Variants in NCKAP5 observed in about 807,000 individuals in gnomAD.
NCKAP5 encodes the protein nck-associated protein 5.
A neutral mutation model predicts 167.0 loss-of-function variants in NCKAP5; 92 were observed. The observed-to-expected ratio is 0.55, with a 90% CI of 0.47 to 0.66. NCKAP5 has a LOEUF of 0.66. Ranked by LOEUF, NCKAP5 falls within the 30% of genes least tolerant of loss-of-function variation. The pLI, the probability that NCKAP5 is intolerant of heterozygous loss-of-function variation, is 0.00. For missense variants in NCKAP5, 2,378 were observed against 2,315.0 expected, an observed-to-expected ratio of 1.03 and a Z score of -0.56; for synonymous variants, 891 against 877.4, an observed-to-expected ratio of 1.02 and a Z score of -0.27.
chr2:133,088,795 C>G (rs964414973), intron 6 of NCKAP5, among the ~76,000 whole-genome samples: 1 of 152,072 alleles, frequency 6.6e-6, no homozygotes, highest in African/African-American at 2.4e-5. Context: ...CAGAGAAATG[C>G]TATTCTAGAA....
chr2:133,383,772 T>C (rs1177757055), intron 3 of NCKAP5, among the ~76,000 whole-genome samples: 2 of 152,200 alleles, frequency 1.3e-5, no homozygotes, highest in Non-Finnish European at 2.9e-5. Flanking sequence ...TGGTGTGAGA[T>C]GGTATCTCAT....
intron 5 of NCKAP5, among the ~76,000 whole-genome samples, chr2:133,144,821 C>T (rs2083128873): frequency 6.6e-6 from 1 of 152,174 alleles, no homozygotes; most frequent in Non-Finnish European, 1.5e-5. Context: ...GTTCCTCCCA[C>T]TGGAGGGAGA....
At position 132,672,860 on chromosome 2, in the gene NCKAP5, G is replaced by T; in HGVS notation, c.*429C>A. 4 of 561,160 alleles carry T rather than the reference G, an allele frequency of 7.1e-6. No homozygotes were observed. Among genetic ancestry groups the T allele is most frequent in the Non-Finnish European group, 9.1e-6 (4 of 441,664 alleles). 34.8% of individuals were successfully genotyped at this position (561,160 alleles called of 1,614,324 possible). On this transcript the variant is annotated 3_prime_UTR_variant, in exon 20 of 20. Transcript: ENST00000409261. ...AAATGGAGTCTATCTTTATTGCCCT[G>T]TCAGAGAAATAAGCTCTGGTGGGTT...
chr2:133,621,973 G>C, the NCKAP5 span, among the ~76,000 whole-genome samples: 1 of 152,074 alleles, frequency 6.6e-6, no homozygotes, highest in Non-Finnish European at 1.5e-5. Flanking sequence ...TGCAGGGGTG[G>C]TTTAATATAT....
the NCKAP5 span, among the ~76,000 whole-genome samples, chr2:133,637,805 A>G: frequency 2.0e-5 from 3 of 152,184 alleles, no homozygotes; most frequent in Admixed American, 2.0e-4. Flanking sequence ...AAGGCACAAT[A>G]TTTGAAAATA....
At chr2:133,165,065 G>A (rs1409874896) in intron 5 of NCKAP5, among the ~76,000 whole-genome samples, 3 of 135,180 alleles carry the variant, frequency 2.2e-5, no homozygotes, top group Non-Finnish European at 4.8e-5. Flanking sequence ...TGAAACTTTC[G>A]GGTGTCACAG....
intron 13 of NCKAP5, among the ~76,000 whole-genome samples, chr2:132,787,306 C>T (rs1683659999): frequency 6.7e-6 from 1 of 149,272 alleles, no homozygotes; most frequent in Admixed American, 6.7e-5. Context: ...TGAGATTGCA[C>T]CATTGCACTC....
At chr2:133,001,376 T>A (rs191865810) in intron 6 of NCKAP5, among the ~76,000 whole-genome samples, 79 of 152,096 alleles carry the variant, frequency 5.2e-4, no homozygotes, top group Admixed American at 4.9e-3. Flanking sequence ...GAGCCCTCAA[T>A]GCCTGGCTAA....
At chr2:133,121,888 C>T (rs991022342) in intron 6 of NCKAP5, 4 of 152,156 alleles carry the variant, frequency 2.6e-5, no homozygotes, top group African/African-American at 9.7e-5. Flanking sequence ...TAACAGAATA[C>T]TATTCACGAA....
chr2:132,996,872 G>GGAGTGAGTAGTGGTGGTATC (rs2077618242), intron 6 of NCKAP5, among the ~76,000 whole-genome samples: 1 of 152,200 alleles, frequency 6.6e-6, no homozygotes, highest in East Asian at 1.9e-4. Flanking sequence ...AAGATTCATA[G>GGAGTGAGTAGTGGTGGTATC]ACCCAAACTC....
At chr2:132,949,003 T>TTAAAA (rs1553487801) in intron 8 of NCKAP5, among the ~76,000 whole-genome samples, 4,130 of 130,316 alleles carry the variant, frequency 0.032, 121 homozygotes, top group Middle Eastern at 0.049. Flanking sequence ...TCCAGAGAAA[T>TTAAAA]GAAAAGAAAA....
At chr2:132,675,214 G>A (rs1242825751) in intron 19 of NCKAP5, among the ~76,000 whole-genome samples, 4 of 152,248 alleles carry the variant, frequency 2.6e-5, no homozygotes, top group African/African-American at 4.8e-5. Context: ...ATAAAATTGT[G>A]TCCTGCAGGG....
At chr2:133,240,123 C>T (rs575063750) in intron 4 of NCKAP5, among the ~76,000 whole-genome samples, 18 of 152,102 alleles carry the variant, frequency 1.2e-4, no homozygotes, top group Non-Finnish European at 2.4e-4. Context: ...TTGCGCATTC[C>T]GGAGTTACGA....
intron 3 of NCKAP5, among the ~76,000 whole-genome samples, chr2:133,353,368 C>T (rs900952786): frequency 1.3e-5 from 2 of 152,176 alleles, no homozygotes; most frequent in African/African-American, 4.8e-5. Context: ...TCTATCTCTA[C>T]CCTGGACTTC....
At chr2:133,231,838 AAAC>A in intron 4 of NCKAP5, among the ~76,000 whole-genome samples, 1 of 152,336 alleles carries the variant, frequency 6.6e-6, no homozygotes, top group African/African-American at 2.4e-5. Flanking sequence ...TCTTACAAGA[AAAC>A]AAATGGAACA....
At chr2:132,677,874 G>A (rs1319798145) in intron 19 of NCKAP5, among the ~76,000 whole-genome samples, 1 of 152,120 alleles carries the variant, frequency 6.6e-6, no homozygotes, top group East Asian at 1.9e-4. Context: ...AGCCTGGAAG[G>A]TGAGGAAGGC....
At chr2:133,198,187 T>C (rs1290634896) in intron 5 of NCKAP5, among the ~76,000 whole-genome samples, 2 of 152,134 alleles carry the variant, frequency 1.3e-5, no homozygotes, top group African/African-American at 4.8e-5. Flanking sequence ...ATAAAAGTTA[T>C]AGCATTTATA....
intron 3 of NCKAP5, among the ~76,000 whole-genome samples, chr2:133,371,238 C>T (rs1386948169): frequency 6.6e-6 from 1 of 152,158 alleles, no homozygotes; most frequent in Non-Finnish European, 1.5e-5. Flanking sequence ...GGTTAAAAAT[C>T]AGACTCTCAC....
chr2:133,323,782 A>G (rs1030795), intron 3 of NCKAP5, among the ~76,000 whole-genome samples: 151,352 of 152,324 alleles, frequency 0.99, 75,197 homozygotes, highest in East Asian at 1. Context: ...TGTCCCAGCC[A>G]AATCACATTT....
Sources: gnomAD v4.1 joint callset for allele counts (sites outside exome capture counted in the v4.1 genomes callset) on GRCh38, gnomAD v4.1.1 for gene constraint, MANE v1.5 for transcripts, NCBI Gene and HGNC (gene_info 2026-07-23, HGNC 2026-07-21) for gene names.